The following OGDH variants were observed in gnomAD, a reference collection of about 807,000 sequenced individuals.
OGDH encodes the protein oxoglutarate dehydrogenase, also known as 2-oxoglutarate dehydrogenase complex component E1.
A neutral mutation model predicts 116.6 loss-of-function variants in OGDH; 38 were observed. That is an observed-to-expected ratio of 0.33 (90% CI 0.25 to 0.43). The LOEUF (loss-of-function observed/expected upper bound fraction) is 0.43, where lower values mean the gene tolerates loss of function less well. Among genes scored for constraint, OGDH ranks in the 20% least tolerant of loss-of-function variants. The probability of loss-of-function intolerance (pLI) is 1.00; values close to 1 mark genes in which losing one functional copy is unlikely to be tolerated. For missense variants in OGDH, 825 were observed against 1,357.2 expected (o/e 0.61, Z 6.16); for synonymous variants, 488 against 533.3 (o/e 0.92, Z 1.17).
rs777365437 is a variant in OGDH, at chr7:44,707,305, A to G, written c.2713A>G (p.Thr905Ala). Residue 905 changes from threonine (T) to alanine (A), a missense_variant, in exon 21 of 23, where the codon ACC becomes GCC. Physicochemically the swap from Thr to Ala is moderately conservative, Grantham distance 58. This residue lies in a region of OGDH where 212 missense variants were observed against 284.3 expected (regional missense o/e 0.75). Coordinates refer to ENST00000222673, the MANE Select transcript of OGDH (RefSeq NM_002541.4). This position sits in a 1 kb window ranked among gnomAD's most constrained non-coding sequence, Gnocchi z 5.2. Reference protein sequence around the residue: ...PENVKRLLFCTGKVYYDLTRE... With the variant: ...PENVKRLLFCAGKVYYDLTRE... ...AAATGTCAAAAGGCTTCTCTTCTGC[A>G]CCGGCAAAGTGTATTATGACCTCAC... is the stretch of plus-strand genomic sequence containing the variant. 1.2e-6 allele frequency: 2 copies of G among 1,614,140 alleles called. No individual in the cohort carries two copies.
At chr7:44,619,514 TTTTTAC>T (rs904044833) in intron 1 of OGDH, among the ~76,000 whole-genome samples, 4 of 152,230 alleles carry the variant, frequency 2.6e-5, no homozygotes, top group Admixed American at 2.6e-4. Context: ...CGTCTGCTGC[TTTTTAC>T]TGAGCATAAT....
intron 10 of OGDH, among the ~76,000 whole-genome samples, chr7:44,687,713 C>A (rs1000871300): frequency 2.0e-5 from 3 of 152,110 alleles, no homozygotes; most frequent in Non-Finnish European, 4.4e-5. Flanking sequence ...CGTGAGTCAC[C>A]ACACCCGCCT....
intron 1 of OGDH, among the ~76,000 whole-genome samples, chr7:44,613,020 A>G (rs1411866770): frequency 1.3e-5 from 2 of 151,288 alleles, no homozygotes; most frequent in Non-Finnish European, 2.9e-5. Flanking sequence ...AGCTGGGACT[A>G]CAGGCACGTG....
chr7:44,655,322 G>T (rs949152128), intron 4 of OGDH, among the ~76,000 whole-genome samples: 12 of 152,206 alleles, frequency 7.9e-5, no homozygotes, highest in Admixed American at 2.0e-4. Flanking sequence ...ATATTCTGTT[G>T]TCTTAAGAGC....
chr7:44,658,095 C>A (rs1246191234), intron 4 of OGDH, among the ~76,000 whole-genome samples: 3 of 152,186 alleles, frequency 2.0e-5, no homozygotes, highest in Admixed American at 2.0e-4. Context: ...AGGGCCTTTT[C>A]CTTCTCCATA....
At position 44,688,277 on chromosome 7, in the gene OGDH, A is replaced by G. The variant is rs374927011; in HGVS notation, c.1336-5548A>G. ...TCCCAGCTACTCTCGAAGCTGCAGCAGGAGAATCGCTTGAACCTGGGAGGC... is the reference window on the plus strand; with the variant it reads ...TCCCAGCTACTCTCGAAGCTGCAGCGGGAGAATCGCTTGAACCTGGGAGGC... On this transcript the variant is annotated intron_variant, in intron 10 of 22. Coordinates refer to ENST00000222673, the MANE Select transcript of OGDH (RefSeq NM_002541.4). Among the ~76,000 whole-genome samples, 38 of 152,080 alleles carry G rather than the reference A, an allele frequency of 2.5e-4. No individual in the cohort carries two copies. The East Asian group carries it at 6.8e-3, about 27-fold the overall frequency.
At chr7:44,607,865 C>T (rs1784414122) in intron 1 of OGDH, among the ~76,000 whole-genome samples, 1 of 152,080 alleles carries the variant, frequency 6.6e-6, no homozygotes, top group African/African-American at 2.4e-5. Flanking sequence ...TCACGCCCGG[C>T]TAATTTTTGT....
intron 19 of OGDH, among the ~76,000 whole-genome samples, chr7:44,700,978 C>T (rs1399489875): frequency 1.3e-5 from 2 of 152,138 alleles, no homozygotes; most frequent in Non-Finnish European, 1.5e-5. Flanking sequence ...GAGCCGAGAT[C>T]GCACCACTGC....
intron 2 of OGDH, among the ~76,000 whole-genome samples, chr7:44,625,273 C>T (rs1024382729): frequency 2.0e-5 from 3 of 151,980 alleles, no homozygotes; most frequent in Admixed American, 1.3e-4. Context: ...TACAGGTGCA[C>T]GTCACCACGC....
chr7:44,632,596 C>T (rs1785488464), intron 2 of OGDH, among the ~76,000 whole-genome samples: 1 of 151,510 alleles, frequency 6.6e-6, no homozygotes, highest in Non-Finnish European at 1.5e-5. Flanking sequence ...AGCCACTGAG[C>T]CTGGTGGATG....
Position 44,645,314 on chromosome 7 carries a change from T to C in OGDH, c.223-13T>C. 6.2e-7 allele frequency: 1 copy of C among 1,612,770 alleles called. No homozygotes were observed. The highest frequency in any genetic ancestry group is 8.5e-7 in the Non-Finnish European group (1 of 1,179,152). On this transcript the variant is annotated splice_polypyrimidine_tract_variant and intron_variant, in intron 2 of 22. Coordinates refer to ENST00000222673, the MANE Select transcript of OGDH (RefSeq NM_002541.4). The stretch of plus-strand genomic sequence containing the variant: ...GGAGCAGTGAGGTAACCCTGTACCT[T>C]CTTTGTCTTTAGTCATGGGACATTT...
chr7:44,610,121 T>A (rs1034388429), intron 1 of OGDH, among the ~76,000 whole-genome samples: 1 of 152,142 alleles, frequency 6.6e-6, no homozygotes, highest in African/African-American at 2.4e-5. Context: ...GGCCCCTGTA[T>A]ACTCTCGGGT....
intron 5 of OGDH, among the ~76,000 whole-genome samples, chr7:44,668,227 G>A (rs1215002254): frequency 6.6e-5 from 10 of 152,028 alleles, no homozygotes; most frequent in East Asian, 3.9e-4. Flanking sequence ...TCATAAGGTC[G>A]GGAGTTCAAG....
At chr7:44,679,690 C>T (rs569889699) in intron 9 of OGDH, among the ~76,000 whole-genome samples, 37 of 152,224 alleles carry the variant, frequency 2.4e-4, no homozygotes, top group Non-Finnish European at 4.7e-4. Context: ...ATAAGATTAA[C>T]GTTTAAACCA....
intron 4 of OGDH, among the ~76,000 whole-genome samples, chr7:44,650,611 A>G (rs1024363383): frequency 3.9e-5 from 6 of 152,228 alleles, no homozygotes; most frequent in African/African-American, 1.4e-4. Flanking sequence ...CTGAGAGGTC[A>G]AGCAAAAAGA....
At chr7:44,606,829 C>G (rs983709128) in intron 1 of OGDH, among the ~76,000 whole-genome samples, 176 bp downstream of exon 1, 1 of 152,126 alleles carries the variant, frequency 6.6e-6, no homozygotes, top group Non-Finnish European at 1.5e-5. Context: ...GTAGGAGGGA[C>G]GGGACCTGAT....
At chr7:44,660,128 C>G (rs1411969272) in intron 4 of OGDH, among the ~76,000 whole-genome samples, 1 of 151,972 alleles carries the variant, frequency 6.6e-6, no homozygotes, top group East Asian at 1.9e-4. Flanking sequence ...TTTTCATTTT[C>G]TTTCAGTTGT....
chr7:44,695,985 G>T (rs1788565531), intron 12 of OGDH, 40 bp from the exon 13 acceptor site: 1 of 1,125,180 alleles, frequency 8.9e-7, no homozygotes, highest in South Asian at 1.2e-5. Flanking sequence ...CAGTAGTCAT[G>T]CCCTGTGCCA....
intron 4 of OGDH, among the ~76,000 whole-genome samples, chr7:44,649,454 C>T (rs573182518): frequency 1.3e-5 from 2 of 151,834 alleles, no homozygotes; most frequent in Admixed American, 6.6e-5. Context: ...TTCACCATGT[C>T]GCCCACCTCA....
Sources: gnomAD v4.1 joint callset for allele counts (sites outside exome capture counted in the v4.1 genomes callset) on GRCh38, gnomAD v4.1.1 for gene constraint, gnomAD v4.1.1 regional missense constraint, Gnocchi (gnomAD v3.1) non-coding constraint, MANE v1.5 for transcripts, NCBI Gene and HGNC (gene_info 2026-07-23, HGNC 2026-07-21) for gene names.